Variants in NEO1 observed in about 807,000 individuals in gnomAD.
The protein encoded by NEO1 is neogenin 1.
NEO1 carries 63 observed loss-of-function variants against 159.7 expected under a neutral mutation model. That is an observed-to-expected ratio of 0.39 (90% CI 0.32 to 0.49). NEO1 has a LOEUF of 0.49. NEO1 is among the 20% of genes least tolerant of loss of function. The pLI is 0.85. For synonymous variants in NEO1, 633 were observed against 662.0 expected, an observed-to-expected ratio of 0.96 and a Z score of 0.67; for missense variants, 1,615 against 1,831.0, an observed-to-expected ratio of 0.88 and a Z score of 2.15.
chr15:73,096,469 T>G (rs1407164654), intron 1 of NEO1, among the ~76,000 whole-genome samples: 2 of 152,176 alleles, frequency 1.3e-5, no homozygotes, highest in East Asian at 3.9e-4. Flanking sequence ...GTGGAAGTGG[T>G]GCAGTCAAAG....
chr15:73,117,468 AT>A (rs2071389636), intron 2 of NEO1, among the ~76,000 whole-genome samples: 1 of 152,188 alleles, frequency 6.6e-6, no homozygotes, highest in African/African-American at 2.4e-5. Flanking sequence ...TTTGTAGTAG[AT>A]ACTAGCGTTC....
chr15:73,112,562 C>A (rs2071062477), intron 1 of NEO1, among the ~76,000 whole-genome samples: 1 of 152,068 alleles, frequency 6.6e-6, no homozygotes, highest in African/African-American at 2.4e-5. Flanking sequence ...AGGTTTTTAT[C>A]ACTTGCATTT....
chr15:73,217,229 C>G (rs1385215368), intron 7 of NEO1, among the ~76,000 whole-genome samples: 3 of 150,338 alleles, frequency 2.0e-5, no homozygotes, highest in African/African-American at 7.3e-5. Flanking sequence ...TGTCAAAGAT[C>G]AGATAGTTGT....
At position 73,282,865 on chromosome 15, in the gene NEO1, T is replaced by C. The variant is rs142802449; in HGVS notation, c.3263-99T>C. 4.5e-3 allele frequency: 6,233 copies of C among 1,388,680 alleles called. 38 individuals carry two copies. Among genetic ancestry groups the C allele is most frequent in the Middle Eastern group, 0.019 (96 of 5,106 alleles). 86.0% of individuals were successfully genotyped at this position (1,388,680 alleles called of 1,614,324 possible). Reference sequence around the variant, plus strand: ...ATATAAGTCAGAGCAATGAGTGTTATCAAGAAGTTCACGTGAGATATTAAT... The same window carrying C: ...ATATAAGTCAGAGCAATGAGTGTTACCAAGAAGTTCACGTGAGATATTAAT... On this transcript the variant is annotated intron_variant, in intron 22 of 28. Coordinates refer to ENST00000261908, the MANE Select transcript of NEO1 (RefSeq NM_002499.4).
chr15:73,125,862 C>G (rs1277514186), intron 3 of NEO1, among the ~76,000 whole-genome samples: 1 of 148,770 alleles, frequency 6.7e-6, no homozygotes, highest in Admixed American at 6.7e-5. Flanking sequence ...AAATAACACA[C>G]AGATACAGGG....
At chr15:73,158,913 G>A (rs1351172495) in intron 5 of NEO1, among the ~76,000 whole-genome samples, 2 of 152,128 alleles carry the variant, frequency 1.3e-5, no homozygotes, top group African/African-American at 4.8e-5. Flanking sequence ...TCATCATCAG[G>A]AGCAGATCCA....
chr15:73,192,093 A>G (rs1460095703), intron 7 of NEO1, among the ~76,000 whole-genome samples: 2 of 151,986 alleles, frequency 1.3e-5, no homozygotes. Context: ...TATACCTTTT[A>G]TTGTCTACTT....
At chr15:73,157,909 T>C (rs1232074184) in intron 5 of NEO1, among the ~76,000 whole-genome samples, 2 of 152,096 alleles carry the variant, frequency 1.3e-5, no homozygotes, top group Non-Finnish European at 2.9e-5. Context: ...CTTCTCATTG[T>C]TCTTTTAAAA....
chr15:73,200,034 G>T (rs1229340999), intron 7 of NEO1, among the ~76,000 whole-genome samples: 1 of 152,170 alleles, frequency 6.6e-6, no homozygotes, highest in East Asian at 1.9e-4. Context: ...CTGTCATTCA[G>T]ATCATAGCAC....
chr15:73,211,977 A>C (rs891247919), intron 7 of NEO1, among the ~76,000 whole-genome samples: 13 of 152,154 alleles, frequency 8.5e-5, no homozygotes, highest in Non-Finnish European at 1.8e-4. Flanking sequence ...TTTTGTGATT[A>C]CATTGAGGTT....
chr15:73,289,497 A>T (rs1447684595), intron 25 of NEO1, among the ~76,000 whole-genome samples: 1 of 152,236 alleles, frequency 6.6e-6, no homozygotes, highest in African/African-American at 2.4e-5. Context: ...GGGAGTAACT[A>T]GTCTCCCTAA....
rs374162913 is a variant in NEO1, at chr15:73,244,599, G to GT, written c.1606+103dup. ...CACCATAGGGGAGCAGAAGATAACA[G>GT]TTCCTTACTTTCGGGGTCCTTATCA... On this transcript the variant is annotated intron_variant, in intron 9 of 28. Transcript: ENST00000261908. The GT allele has an allele frequency of 4.4e-3, 5,778 of 1,303,838 alleles. 30 individuals are homozygous for GT. Among genetic ancestry groups the GT allele is most frequent in the Non-Finnish European group, 5.1e-3 (4,892 of 964,944 alleles). The allele number at this position is 1,303,838 out of a possible 1,614,324, so 80.8% of individuals were successfully genotyped here. A position where few individuals can be genotyped will look rare whatever the true frequency, so the allele number is the denominator to read the frequency against.
At chr15:73,292,469 C>T (rs1236084813) in intron 25 of NEO1, among the ~76,000 whole-genome samples, 1 of 152,230 alleles carries the variant, frequency 6.6e-6, no homozygotes, top group Non-Finnish European at 1.5e-5. Context: ...TCTACAACCA[C>T]TCCAAGGGAG....
rs746820454 is a variant in NEO1 at position 73,116,633 on chromosome 15, C to G, written c.224C>G (p.Ser75Ter). The stretch of plus-strand genomic sequence containing the variant: ...GGCTCTTCTGTTATATTAAACTGTT[C>G]AGCATATTCTGAGCCTTCTCCAAAA... ...VRGSSVILNCSAYSEPSPKIE... is the reference protein window; with the variant it reads ...VRGSSVILNC Residue 75 changes from serine to a stop codon, truncating the protein, a stop_gained, in exon 2 of 29, where the codon TCA (serine) becomes TGA (stop). Coordinates refer to ENST00000261908, the MANE Select transcript of NEO1 (RefSeq NM_002499.4). LOFTEE classifies it high-confidence loss of function. 6.2e-7 allele frequency: 1 copy of G among 1,613,742 alleles called. No individual in the cohort carries two copies.
intron 5 of NEO1, among the ~76,000 whole-genome samples, chr15:73,166,842 T>C (rs979539858): frequency 1.3e-5 from 2 of 152,040 alleles, no homozygotes; most frequent in Admixed American, 1.3e-4. Context: ...ATCCATTTGG[T>C]GGGGTCCAGG....
intron 2 of NEO1, among the ~76,000 whole-genome samples, chr15:73,118,458 A>G (rs1310906833): frequency 4.0e-5 from 3 of 74,940 alleles, no homozygotes; most frequent in Non-Finnish European, 7.9e-5. Context: ...CCCTACATCC[A>G]CCATCACCCT....
rs781503834 is a variant in NEO1, at chr15:73,101,417, GCA to G, written c.131-15117_131-15116del. On this transcript the variant is annotated intron_variant, in intron 1 of 28. Transcript: ENST00000261908. ...TGCACGCTCTCACGCGCACGCGTGC[GCA>G]CACACGCTCTCTTTCCCACTCTCTC... is the stretch of plus-strand genomic sequence containing the variant. 4.1e-4 allele frequency among the ~76,000 whole-genome samples: 62 copies of G among 152,232 alleles called. No homozygotes were observed. In the South Asian group the frequency reaches 4.1e-3, roughly 10 times the overall value.
At chr15:73,126,660 T>A in intron 4 of NEO1, 90 bp downstream of exon 4, 1 of 1,228,332 alleles carries the variant, frequency 8.1e-7, no homozygotes. Flanking sequence ...TTAAAAAGAT[T>A]ATCAACTTTA....
At chr15:73,190,349 G>A (rs999576934) in intron 7 of NEO1, among the ~76,000 whole-genome samples, 3 of 152,032 alleles carry the variant, frequency 2.0e-5, no homozygotes, top group African/African-American at 7.2e-5. Flanking sequence ...TTTAGTTCTA[G>A]TAAAGGAAGA....
Sources: gnomAD v4.1 joint callset for allele counts (sites outside exome capture counted in the v4.1 genomes callset) on GRCh38, gnomAD v4.1.1 for gene constraint, MANE v1.5 for transcripts, NCBI Gene and HGNC (gene_info 2026-07-23, HGNC 2026-07-21) for gene names.